The following SH3GL3 variants were observed in gnomAD, a reference collection of about 807,000 sequenced individuals.
SH3GL3 encodes endophilin-A3.
A neutral mutation model predicts 47.7 loss-of-function variants in SH3GL3; 33 were observed. The observed-to-expected ratio is 0.69, with a 90% CI of 0.52 to 0.92. The LOEUF (loss-of-function observed/expected upper bound fraction) is 0.92. SH3GL3 is among the 40% of genes least tolerant of loss of function. The pLI is 0.00. For missense variants in SH3GL3, 363 were observed against 417.8 expected, an observed-to-expected ratio of 0.87 and a Z score of 1.14; for synonymous variants, 155 against 148.8, an observed-to-expected ratio of 1.04 and a Z score of -0.30.
chr15:83,607,883 A>T (rs984436116), intron 8 of SH3GL3, among the ~76,000 whole-genome samples: 39 of 147,908 alleles, frequency 2.6e-4, no homozygotes, highest in Admixed American at 6.1e-4. Flanking sequence ...TAATAATACA[A>T]ACAACAACAA....
intron 1 of SH3GL3, among the ~76,000 whole-genome samples, chr15:83,479,980 A>G (rs1168674693): frequency 6.6e-6 from 1 of 152,240 alleles, no homozygotes; most frequent in Non-Finnish European, 1.5e-5. Flanking sequence ...TGCTAAATAA[A>G]TGCTAACTTT....
At chr15:83,455,992 A>G (rs1378751389) in intron 1 of SH3GL3, among the ~76,000 whole-genome samples, 4 of 53,698 alleles carry the variant, frequency 7.4e-5, no homozygotes, top group Admixed American at 3.5e-4. Context: ...TTTTCGGTGT[A>G]GATGTCCTTT....
At chr15:83,622,606 T>A (rs527587739), downstream of SH3GL3, among the ~76,000 whole-genome samples, 1 of 152,270 alleles carries the variant, frequency 6.6e-6, no homozygotes, top group African/African-American at 2.4e-5. Flanking sequence ...AAGGAGGAGA[T>A]GCAAGGATCA....
intron 1 of SH3GL3, among the ~76,000 whole-genome samples, chr15:83,525,674 A>G (rs989434827): frequency 6.6e-6 from 1 of 152,022 alleles, no homozygotes; most frequent in Non-Finnish European, 1.5e-5. Context: ...TAAGTCTTAA[A>G]TCTATTTTGA....
chr15:83,611,961 T>C (rs2060679213), intron 8 of SH3GL3, among the ~76,000 whole-genome samples: 1 of 133,244 alleles, frequency 7.5e-6, no homozygotes, highest in Non-Finnish European at 1.7e-5. Flanking sequence ...CAAGCCTCTA[T>C]GTAGACCAAT....
chr15:83,457,982 C>G (rs1419829783), intron 1 of SH3GL3, among the ~76,000 whole-genome samples: 2 of 152,050 alleles, frequency 1.3e-5, no homozygotes, highest in Non-Finnish European at 2.9e-5. Flanking sequence ...AATTTTTCAG[C>G]TTTATTAACA....
At chr15:83,509,287 G>C (rs1374049926) in intron 1 of SH3GL3, among the ~76,000 whole-genome samples, 1 of 152,216 alleles carries the variant, frequency 6.6e-6, no homozygotes, top group Non-Finnish European at 1.5e-5. Flanking sequence ...GCAGAATCTG[G>C]GGAGCGCGTT....
chr15:83,570,256 C>T (rs2045749159), intron 4 of SH3GL3, among the ~76,000 whole-genome samples: 1 of 152,060 alleles, frequency 6.6e-6, no homozygotes. Context: ...GTTGAAAAGT[C>T]CAACTTTCTC....
intron 1 of SH3GL3, among the ~76,000 whole-genome samples, chr15:83,541,584 C>T (rs2044171215): frequency 6.6e-6 from 1 of 151,970 alleles, no homozygotes; most frequent in Non-Finnish European, 1.5e-5. Context: ...ACATCCTTAC[C>T]AAGGGTGTAT....
intron 1 of SH3GL3, among the ~76,000 whole-genome samples, chr15:83,461,039 C>T (rs1354127374): frequency 2.0e-5 from 3 of 151,600 alleles, no homozygotes; most frequent in South Asian, 2.1e-4. Context: ...GCCGAGATCA[C>T]GCCACTGCAC....
At chr15:83,562,031 ACACACAC>A (rs2045306071) in intron 2 of SH3GL3, among the ~76,000 whole-genome samples, 2 of 34,782 alleles carry the variant, frequency 5.8e-5, no homozygotes, top group Admixed American at 2.9e-4. Flanking sequence ...CACACACACA[ACACACAC>A]ACACACACAC....
At chr15:83,503,453 A>C (rs112817557) in intron 1 of SH3GL3, among the ~76,000 whole-genome samples, 8 of 152,196 alleles carry the variant, frequency 5.3e-5, no homozygotes, top group African/African-American at 1.7e-4. Flanking sequence ...TAGATATTTA[A>C]GTTGTTACCA....
At chr15:83,611,681 A>G (rs1048934957) in intron 8 of SH3GL3, 51 of 152,558 alleles carry the variant, frequency 3.3e-4, no homozygotes, top group Non-Finnish European at 6.3e-4. Flanking sequence ...GGGGTTGTCA[A>G]CAGGGATGGG....
downstream of SH3GL3, among the ~76,000 whole-genome samples, chr15:83,622,307 A>G (rs1018415187): frequency 2.0e-5 from 3 of 152,090 alleles, no homozygotes; most frequent in Non-Finnish European, 4.4e-5. Flanking sequence ...TACATCCCAC[A>G]ATGTGTCTGT....
chr15:83,504,760 T>TA (rs2151614613), intron 1 of SH3GL3, among the ~76,000 whole-genome samples: 1 of 152,322 alleles, frequency 6.6e-6, no homozygotes, highest in Admixed American at 6.5e-5. Flanking sequence ...ATCACCCACC[T>TA]AAGCTGCTCC....
At chr15:83,624,462 T>C in the SH3GL3 span, among the ~76,000 whole-genome samples, 19 of 152,130 alleles carry the variant, frequency 1.2e-4, no homozygotes, top group African/African-American at 2.2e-4. Context: ...CCTATTCATA[T>C]GAGAAACAAC....
chr15:83,456,733 GGT>G (rs1567233202), intron 1 of SH3GL3, among the ~76,000 whole-genome samples: 13 of 149,558 alleles, frequency 8.7e-5, no homozygotes, highest in Non-Finnish European at 1.8e-4. Flanking sequence ...AGATGAACCC[GGT>G]ACCTCAGATG....
chr15:83,473,152 C>G (rs1213375018), intron 1 of SH3GL3, among the ~76,000 whole-genome samples: 1 of 144,334 alleles, frequency 6.9e-6, no homozygotes, highest in African/African-American at 2.6e-5. Context: ...TGGGGAGGAG[C>G]AAGGGCACCT....
intron 3 of SH3GL3, 26 bp from the exon 4 acceptor site, chr15:83,568,503 G>T: frequency 6.3e-7 from 1 of 1,598,896 alleles, no homozygotes; most frequent in South Asian, 1.1e-5. Flanking sequence ...TAACTTTAAA[G>T]AATTACAAAT....
Sources: allele counts gnomAD v4.1 joint callset (sites outside exome capture counted in the v4.1 genomes callset), GRCh38; gene constraint gnomAD v4.1.1; transcripts MANE v1.5; gene names NCBI Gene and HGNC (gene_info 2026-07-23, HGNC 2026-07-21).